PKD2L2: variants seen among roughly 807,000 people sequenced by gnomAD.
PKD2L2 encodes polycystin-2-like protein 2.
In PKD2L2, 67 loss-of-function variants were observed where a neutral mutation model predicts 83.9. The ratio of observed to expected loss-of-function variants is 0.80; its 90% CI spans 0.66 to 0.98. The LOEUF (loss-of-function observed/expected upper bound fraction) is 0.98. PKD2L2 is among the 50% of genes least tolerant of loss of function. The pLI is 0.00. For synonymous variants in PKD2L2, 223 were observed against 237.8 expected, an observed-to-expected ratio of 0.94 and a Z score of 0.57; for missense variants, 632 against 717.2, an observed-to-expected ratio of 0.88 and a Z score of 1.36.
At chr5:137,915,810 TATA>T (rs1004669217) in intron 8 of PKD2L2, among the ~76,000 whole-genome samples, 6 of 152,322 alleles carry the variant, frequency 3.9e-5, no homozygotes, top group African/African-American at 4.8e-5. Context: ...AAACTGTTGT[TATA>T]ATAATACTAG....
At chr5:137,940,149 T>C (rs1179051286) in intron 14 of PKD2L2, 9 of 1,613,716 alleles carry the variant, frequency 5.6e-6, no homozygotes, top group African/African-American at 4.0e-5. Flanking sequence ...CGAATTTAAG[T>C]ACCAGCCAAG....
intron 5 of PKD2L2, among the ~76,000 whole-genome samples, chr5:137,903,785 T>C (rs1454645859): frequency 6.6e-6 from 1 of 152,050 alleles, no homozygotes; most frequent in Admixed American, 6.6e-5. Context: ...TGAGATGGAG[T>C]CTAGCTTGTT....
intron 12 of PKD2L2, among the ~76,000 whole-genome samples, chr5:137,933,154 A>G (rs34640098): frequency 0.033 from 4,999 of 152,262 alleles, 124 homozygotes; most frequent in Middle Eastern, 0.055. Flanking sequence ...TGAAGCTTAC[A>G]AAGCCTAAAA....
chr5:137,937,862 G>C (rs545563391), intron 14 of PKD2L2: 1 of 151,770 alleles, frequency 6.6e-6, no homozygotes, highest in African/African-American at 2.4e-5. Flanking sequence ...ATCGCCCCTG[G>C]GTGGGATCAT....
intron 3 of PKD2L2, 25 bp downstream of exon 3, chr5:137,892,638 G>A: frequency 6.2e-7 from 1 of 1,604,560 alleles, no homozygotes. Context: ...GACTGTGGAT[G>A]AAGTAGATTT....
intron 14 of PKD2L2, chr5:137,941,806 A>G (rs1452633847): frequency 7.4e-6 from 5 of 674,970 alleles, no homozygotes; most frequent in Non-Finnish European, 1.3e-5. Context: ...CTCAGAGCAT[A>G]AAGGAATGTT....
At chr5:137,890,636 G>A in intron 2 of PKD2L2, 54 bp downstream of exon 2, 3 of 771,152 alleles carry the variant, frequency 3.9e-6, no homozygotes. Context: ...GTTAAAATGT[G>A]GAGATGAAAA....
At chr5:137,907,587 G>A (rs954351481) in intron 6 of PKD2L2, among the ~76,000 whole-genome samples, 155 bp from the exon 7 acceptor site, 1 of 152,150 alleles carries the variant, frequency 6.6e-6, no homozygotes, top group Non-Finnish European at 1.5e-5. Flanking sequence ...TGTATAAGTT[G>A]AGGGTAATTT....
intron 5 of PKD2L2, among the ~76,000 whole-genome samples, chr5:137,905,704 T>C (rs578055045): frequency 6.6e-5 from 10 of 152,178 alleles, no homozygotes; most frequent in Non-Finnish European, 1.5e-4. Flanking sequence ...AAACATTTGC[T>C]TTAGTAGAAT....
chr5:137,912,801 CTTTCTTTTTTT>C (rs1757953550), intron 8 of PKD2L2, among the ~76,000 whole-genome samples: 1 of 99,858 alleles, frequency 1.0e-5, no homozygotes, highest in Non-Finnish European at 2.0e-5. Context: ...TGTTTTCTTT[CTTTCTTTTTTT>C]TTTTTTTTTG....
At chr5:137,927,825 G>A (rs977575281) in intron 12 of PKD2L2, among the ~76,000 whole-genome samples, 1 of 152,176 alleles carries the variant, frequency 6.6e-6, no homozygotes, top group South Asian at 2.1e-4. Context: ...TGGCCAGGCT[G>A]GTCTCGAACT....
rs1755845672 is a variant in PKD2L2 at position 137,890,293 on chromosome 5, C to A, written c.32-188C>A. On this transcript the variant is annotated intron_variant, in intron 1 of 14. Transcript: ENST00000508883. ...CTAGACTCCGTCTCAAAAAAAAAATCTGTTATTAATAGTATATAGTAAAAA... is the reference window on the plus strand; with the variant it reads ...CTAGACTCCGTCTCAAAAAAAAAATATGTTATTAATAGTATATAGTAAAAA... 4 of 455,018 alleles carry A rather than the reference C, an allele frequency of 8.8e-6. No individual in the cohort carries two copies. The South Asian group carries it at 1.3e-4, about 15-fold the overall frequency. 28.2% of individuals were successfully genotyped at this position (455,018 alleles called of 1,614,324 possible).
In PKD2L2 at chr5:137,927,893, G is replaced by A. The variant is rs778382638; in HGVS notation, c.1671+1964G>A. On this transcript the variant is annotated intron_variant, in intron 12 of 14. Transcript: ENST00000508883. ...CTTTAAAAAAAATCAGGCCGGGTGC[G>A]GTGGCTCACGCCTGTAATCCCAGCA... Among the ~76,000 whole-genome samples the A allele has an allele frequency of 2.3e-4, 35 of 152,098 alleles. 1 individual carries two copies. Among genetic ancestry groups the A allele is most frequent in the Non-Finnish European group, 1.5e-5 (1 of 68,022 alleles).
chr5:137,912,800 TCTTTC>T (rs1258984230), intron 8 of PKD2L2, among the ~76,000 whole-genome samples: 23 of 111,434 alleles, frequency 2.1e-4, no homozygotes, highest in African/African-American at 7.4e-4. Flanking sequence ...TTGTTTTCTT[TCTTTC>T]TTTTTTTTTT....
At chr5:137,923,371 A>G (rs1759098261) in intron 9 of PKD2L2, 49 bp from the exon 10 acceptor site, 1 of 927,746 alleles carries the variant, frequency 1.1e-6, no homozygotes, top group Non-Finnish European at 1.7e-6. Context: ...AGTCATTAAC[A>G]TTTAAACTAA....
At chr5:137,891,039 T>C (rs750825652) in intron 2 of PKD2L2, among the ~76,000 whole-genome samples, 2 of 152,208 alleles carry the variant, frequency 1.3e-5, no homozygotes, top group African/African-American at 4.8e-5. Context: ...AAAAATAGTT[T>C]GTGCTGAGTC....
At chr5:137,924,578 C>A (rs1759213991) in intron 10 of PKD2L2, among the ~76,000 whole-genome samples, 1 of 152,188 alleles carries the variant, frequency 6.6e-6, no homozygotes, top group African/African-American at 2.4e-5. Context: ...TAAAGCATAG[C>A]ACTTCACAGA....
Position 137,906,369 on chromosome 5 carries a change from AT to A in PKD2L2, c.911del (p.Ile304LysfsTer16). The stretch of plus-strand genomic sequence containing the variant: ...CTTCACAACACAAGAAGTCAAAAAA[AT>A]AAAAGAATTTAAGTCTGCCTATTTC... Reference protein sequence around the residue: ...FVFTTQEVKKIKEFKSAYFKS... With the variant: ...FVFTTQEVKKXKEFKSAYFKS... On this transcript the variant is annotated frameshift_variant, in exon 6 of 15. Coordinates refer to ENST00000508883, the MANE Select transcript of PKD2L2 (RefSeq NM_001300921.2). LOFTEE classifies it high-confidence loss of function. 5 of 1,611,168 alleles carry A rather than the reference AT, an allele frequency of 3.1e-6. No homozygotes were observed. The highest frequency in any genetic ancestry group is 3.4e-6 in the Non-Finnish European group (4 of 1,177,890).
rs769440962 is a variant in PKD2L2, at chr5:137,899,537, T to C, written c.546T>C (p.Asn182=). 6.2e-7 allele frequency: 1 copy of C among 1,605,926 alleles called. No homozygotes were observed. Among genetic ancestry groups the C allele is most frequent in the South Asian group, 1.1e-5 (1 of 90,860 alleles). Residue 182 remains asparagine (N), a synonymous_variant, in exon 5 of 15, where the codon AAT becomes AAC. Coordinates refer to ENST00000508883, the MANE Select transcript of PKD2L2 (RefSeq NM_001300921.2). ...INTEWRYSTS[N]TNSPWHWGFL... is the part of the protein sequence containing the mutation. ...ACAGATGGAGATATTCTACTTCTAA[T>C]ACCAACTCCCCTTGGCACTGGGGAT... is the stretch of plus-strand genomic sequence containing the variant.
Sources: gnomAD v4.1 joint callset for allele counts (sites outside exome capture counted in the v4.1 genomes callset) on GRCh38, gnomAD v4.1.1 for gene constraint, MANE v1.5 for transcripts, NCBI Gene and HGNC (gene_info 2026-07-23, HGNC 2026-07-21) for gene names.